CARM1: variants seen among roughly 807,000 people sequenced by gnomAD.
CARM1 encodes histone-arginine methyltransferase CARM1.
Under a neutral mutation model 72.7 loss-of-function variants are expected in CARM1, and 14 were observed. That is an observed-to-expected ratio of 0.19 (90% confidence interval 0.13 to 0.30). The LOEUF (loss-of-function observed/expected upper bound fraction) is 0.30. CARM1 is among the 10% of genes least tolerant of loss of function. CARM1 has a pLI of 1.00. For synonymous variants in CARM1, 333 were observed against 345.5 expected, an observed-to-expected ratio of 0.96 and a Z score of 0.40; for missense variants, 432 against 833.7, an observed-to-expected ratio of 0.52 and a Z score of 5.93.
chr19:10,885,007 C>CT lies in CARM1; in HGVS notation c.220+13087dup, dbSNP rs776020033. ...AGACGTGAGCCATCATGCCTGGCCG[C>CT]TTATTTATTTTAATTGTTGTTTAGT... On this transcript the variant is annotated intron_variant, in intron 1 of 15. Transcript: ENST00000327064. 2.6e-5 allele frequency among the ~76,000 whole-genome samples: 4 copies of CT among 152,256 alleles called. No homozygotes were observed. In the East Asian group the frequency reaches 5.8e-4, roughly 22 times the overall value.
intron 8 of CARM1, among the ~76,000 whole-genome samples, chr19:10,918,310 C>T (rs1450537592): frequency 2.0e-5 from 3 of 152,052 alleles, no homozygotes; most frequent in Non-Finnish European, 2.9e-5. Context: ...ACTTCAGCCT[C>T]GATCTCCCAG....
intron 1 of CARM1, among the ~76,000 whole-genome samples, chr19:10,880,929 G>A (rs1030823784): frequency 3.4e-5 from 5 of 148,096 alleles, no homozygotes; most frequent in African/African-American, 1.1e-4. Flanking sequence ...TTGGGAGGCC[G>A]AGGCAGCAGG....
intron 1 of CARM1, among the ~76,000 whole-genome samples, chr19:10,879,718 A>G (rs1399827719): frequency 6.6e-6 from 1 of 152,136 alleles, no homozygotes; most frequent in Non-Finnish European, 1.5e-5. Flanking sequence ...GGTTCAAGTC[A>G]TTCTCCTGCA....
At chr19:10,897,174 A>G (rs750296598) in intron 1 of CARM1, among the ~76,000 whole-genome samples, 17 of 152,206 alleles carry the variant, frequency 1.1e-4, no homozygotes, top group South Asian at 2.1e-4. Context: ...TGCTGGTGCC[A>G]GTCACCTCGG....
chr19:10,916,527 C>T lies in CARM1; in HGVS notation c.938+30C>T, dbSNP rs2074198056. 9 of 1,549,372 alleles carry T rather than the reference C, an allele frequency of 5.8e-6. No individual in the cohort carries two copies. Among genetic ancestry groups the T allele is most frequent in the Non-Finnish European group, 8.0e-6 (9 of 1,122,188 alleles). ...GTGTGCCCTGGGTGTCCCGCCTGGG[C>T]CCCACAGCCTGCCTTCTCAGGGACA... is the stretch of plus-strand genomic sequence containing the variant. On this transcript the variant is annotated intron_variant, in intron 7 of 15. Transcript: ENST00000327064. This position sits in a 1 kb window ranked among gnomAD's most constrained non-coding sequence, Gnocchi z 4.4.
intron 2 of CARM1, among the ~76,000 whole-genome samples, 172 bp from the exon 3 acceptor site, chr19:10,907,867 C>T (rs2074116335): frequency 6.6e-6 from 1 of 152,214 alleles, no homozygotes; most frequent in African/African-American, 2.4e-5. Flanking sequence ...GCATGGCTGC[C>T]CTTCATCTTT....
intron 1 of CARM1, among the ~76,000 whole-genome samples, chr19:10,902,290 C>CTTTTT (rs869120010): frequency 5.2e-5 from 6 of 114,776 alleles, no homozygotes; most frequent in Admixed American, 9.6e-5. Flanking sequence ...ATTGTTGTTT[C>CTTTTT]TTTTTTTTTT....
chr19:10,916,642 C>G lies in CARM1; in HGVS notation c.939-54C>G, dbSNP rs1480309458. 2 of 1,464,488 alleles carry G rather than the reference C, an allele frequency of 1.4e-6. No homozygotes were observed. The highest frequency in any genetic ancestry group is 1.4e-5 in the African/African-American group (1 of 72,004). 90.7% of individuals were successfully genotyped at this position (1,464,488 alleles called of 1,614,324 possible). ...ACTGGGAGAGAAGGCAGGGCTACCC[C>G]ACCTGCCTCTTCTGCAGCCCTGACC... On this transcript the variant is annotated intron_variant, in intron 7 of 15. Coordinates refer to ENST00000327064, the MANE Select transcript of CARM1 (RefSeq NM_199141.2). This position sits in a 1 kb window ranked among gnomAD's most constrained non-coding sequence, Gnocchi z 4.4.
chr19:10,907,978 C>A, intron 2 of CARM1, 61 bp from the exon 3 acceptor site: 1 of 1,019,300 alleles, frequency 9.8e-7, no homozygotes, highest in Non-Finnish European at 1.6e-6. Context: ...AACCTTCCCT[C>A]CCAGATGGCC....
At chr19:10,880,421 T>C (rs1369232210) in intron 1 of CARM1, among the ~76,000 whole-genome samples, 1 of 151,902 alleles carries the variant, frequency 6.6e-6, no homozygotes, top group African/African-American at 2.4e-5. Flanking sequence ...TCATAGCTCA[T>C]TGCAGCCTTG....
chr19:10,889,055 G>A (rs1455577691), intron 1 of CARM1, among the ~76,000 whole-genome samples: 2 of 152,160 alleles, frequency 1.3e-5, no homozygotes, highest in African/African-American at 4.8e-5. Context: ...ATGAGGTTTG[G>A]GTGTCCTCAG....
chr19:10,914,783 T>G (rs1403286289), intron 6 of CARM1, among the ~76,000 whole-genome samples: 1 of 152,166 alleles, frequency 6.6e-6, no homozygotes, highest in African/African-American at 2.4e-5. Context: ...CACGAACTCC[T>G]GACCTCAGGT....
rs368876626 is a variant in CARM1, at chr19:10,904,946, C to T, written c.221-5C>T. ...CCGCTCACGCCAGCCTGTCTTCTCT[C>T]GTAGATGAAGATGTGTGTGTCTTTA... On this transcript the variant is annotated splice_polypyrimidine_tract_variant and splice_region_variant and intron_variant, in intron 1 of 15. Coordinates refer to ENST00000327064, the MANE Select transcript of CARM1 (RefSeq NM_199141.2). The T allele has an allele frequency of 9.0e-5, 145 of 1,613,866 alleles. No homozygotes were observed. Among genetic ancestry groups the T allele is most frequent in the Non-Finnish European group, 1.2e-4 (138 of 1,179,886 alleles).
At chr19:10,904,821 T>G in intron 1 of CARM1, 130 bp from the exon 2 acceptor site, 1 of 1,203,690 alleles carries the variant, frequency 8.3e-7, no homozygotes, top group Admixed American at 2.1e-5. Context: ...GCTGCCAGGG[T>G]GGTTTTGTGG....
intron 1 of CARM1, among the ~76,000 whole-genome samples, chr19:10,897,961 G>T (rs2074036034): frequency 6.6e-6 from 1 of 152,058 alleles, no homozygotes; most frequent in African/African-American, 2.4e-5. Flanking sequence ...AAAAAAATTA[G>T]CCGGGCGAGG....
Position 10,921,286 on chromosome 19 carries a change from C to T in CARM1, c.1616-89C>T, listed in dbSNP as rs1022382039. The T allele has an allele frequency of 3.0e-5, 45 of 1,515,420 alleles. 1 individual carries two copies. The highest frequency in any genetic ancestry group is 1.9e-4 in the South Asian group (17 of 87,808). The allele number at this position is 1,515,420 out of a possible 1,614,324, so 93.9% of individuals were successfully genotyped here. On this transcript the variant is annotated intron_variant, in intron 14 of 15. Coordinates refer to ENST00000327064, the MANE Select transcript of CARM1 (RefSeq NM_199141.2). Reference sequence around the variant, plus strand: ...CCGAGGCTCTCCGTCCTCTCTGCCTCGCTCTGCAGCCTGCTGCTGTGCATG... The same window carrying T: ...CCGAGGCTCTCCGTCCTCTCTGCCTTGCTCTGCAGCCTGCTGCTGTGCATG...
intron 6 of CARM1, among the ~76,000 whole-genome samples, 200 bp downstream of exon 6, chr19:10,914,254 A>G (rs958243082): frequency 2.0e-5 from 3 of 152,170 alleles, no homozygotes; most frequent in Non-Finnish European, 1.5e-5. Flanking sequence ...ACACGGCCAG[A>G]CACCCAGCTG....
chr19:10,908,732 C>T (rs920809479), intron 3 of CARM1: 7 of 212,556 alleles, frequency 3.3e-5, no homozygotes, highest in Non-Finnish European at 6.8e-5. Context: ...ACCTGCCTGG[C>T]GCTCTGAGTT....
At chr19:10,880,580 C>T (rs2073895003) in intron 1 of CARM1, among the ~76,000 whole-genome samples, 1 of 150,216 alleles carries the variant, frequency 6.7e-6, no homozygotes, top group South Asian at 2.1e-4. Flanking sequence ...TGTGGAACTC[C>T]TGGGCTCAAG....
Sources: allele counts gnomAD v4.1 joint callset (sites outside exome capture counted in the v4.1 genomes callset), GRCh38; gene constraint gnomAD v4.1.1; non-coding constraint Gnocchi (gnomAD v3.1); transcripts MANE v1.5; gene names NCBI Gene and HGNC (gene_info 2026-07-23, HGNC 2026-07-21).